The following CWF19L2 variants were observed in gnomAD, a reference collection of about 807,000 sequenced individuals.
CWF19L2 encodes the protein CWF19 like cell cycle control factor 2, also known as CWF19-like protein 2.
CWF19L2 carries 98 observed loss-of-function variants against 111.7 expected under a neutral mutation model. The observed-to-expected ratio is 0.88, with a 90% confidence interval of 0.75 to 1.04. CWF19L2 has a LOEUF of 1.04. Ranked by LOEUF, CWF19L2 falls within the 50% of genes least tolerant of loss-of-function variation. The pLI is 0.00. For synonymous variants in CWF19L2, 351 were observed against 342.9 expected, an observed-to-expected ratio of 1.02 and a Z score of -0.26; for missense variants, 1,101 against 1,051.4, an observed-to-expected ratio of 1.05 and a Z score of -0.65.
intron 3 of CWF19L2, among the ~76,000 whole-genome samples, chr11:107,453,636 C>T (rs1053841080): frequency 2.6e-5 from 4 of 151,472 alleles, no homozygotes; most frequent in African/African-American, 9.7e-5. Flanking sequence ...GGGAGAGCCT[C>T]CTTCTGCTTG....
At chr11:107,424,362 T>C (rs1861345357) in intron 8 of CWF19L2, among the ~76,000 whole-genome samples, 2 of 151,626 alleles carry the variant, frequency 1.3e-5, no homozygotes, top group South Asian at 4.2e-4. Context: ...AATATAAACA[T>C]GTTCTAGTAT....
intron 3 of CWF19L2, among the ~76,000 whole-genome samples, chr11:107,444,714 C>G (rs1213271545): frequency 6.6e-6 from 1 of 152,202 alleles, no homozygotes; most frequent in Non-Finnish European, 1.5e-5. Flanking sequence ...CTATCCTCTT[C>G]TTCTACAAAA....
intron 12 of CWF19L2, among the ~76,000 whole-genome samples, chr11:107,388,923 T>C (rs1860809685): frequency 6.6e-6 from 1 of 152,188 alleles, no homozygotes; most frequent in African/African-American, 2.4e-5. Context: ...ATGGGCTAAA[T>C]ATAAGATCTC....
intron 13 of CWF19L2, among the ~76,000 whole-genome samples, chr11:107,350,061 T>C (rs1259758014): frequency 1.3e-5 from 2 of 152,254 alleles, no homozygotes; most frequent in Admixed American, 6.5e-5. Flanking sequence ...TCCCCTAAAA[T>C]TGGTATCAAA....
chr11:107,402,873 GTATA>G lies in CWF19L2; in HGVS notation c.1618-9982_1618-9979del, dbSNP rs145828149. On this transcript the variant is annotated intron_variant, in intron 10 of 17. Transcript: ENST00000282251. The stretch of plus-strand genomic sequence containing the variant: ...CGAGTGGATAAACAAACTGTGGTGT[GTATA>G]TATATATATATATATATATATATAT... Among the ~76,000 whole-genome samples, 63 of 94,466 alleles carry G rather than the reference GTATA, an allele frequency of 6.7e-4. 2 individuals are homozygous for G. The highest frequency in any genetic ancestry group is 1.4e-3 in the African/African-American group (28 of 20,728). The allele number at this position is 94,466 out of a possible 152,430, so 62.0% of individuals were successfully genotyped here. A position where few individuals can be genotyped will look rare whatever the true frequency, so the allele number is the denominator to read the frequency against.
At chr11:107,340,177 T>C (rs1011149086) in intron 14 of CWF19L2, among the ~76,000 whole-genome samples, 6 of 152,208 alleles carry the variant, frequency 3.9e-5, no homozygotes, top group African/African-American at 1.2e-4. Context: ...TTTGTTTCCA[T>C]GGATTATACT....
At position 107,429,008 on chromosome 11, in the gene CWF19L2, G is replaced by C; in HGVS notation, c.1224C>G (p.Pro408=). Residue 408 remains proline (P), a synonymous_variant, in exon 8 of 18, where the codon CCC becomes CCG. Coordinates refer to ENST00000282251, the MANE Select transcript of CWF19L2 (RefSeq NM_152434.3). ...QGSLCSGFRK[P]TKNSEERLTS... ...TTAATCTTTCTTCACTGTTCTTGGT[G>C]GGTTTTCTAAAACCACTACACAAAG... 1 of 1,613,582 alleles carries C rather than the reference G, an allele frequency of 6.2e-7. No individual in the cohort carries two copies. Among genetic ancestry groups the C allele is most frequent in the East Asian group, 2.2e-5 (1 of 44,836 alleles).
chr11:107,435,171 T>C (rs1441589464), intron 6 of CWF19L2, among the ~76,000 whole-genome samples: 1 of 152,204 alleles, frequency 6.6e-6, no homozygotes, highest in African/African-American at 2.4e-5. Context: ...ACGACTTTTC[T>C]TTATAGGCCT....
At chr11:107,363,322 A>G (rs1317361415) in intron 12 of CWF19L2, among the ~76,000 whole-genome samples, 1 of 152,156 alleles carries the variant, frequency 6.6e-6, no homozygotes, top group Non-Finnish European at 1.5e-5. Flanking sequence ...AGTACAGAGA[A>G]TGCCACAAAG....
chr11:107,403,515 C>T (rs1050783221), intron 10 of CWF19L2: 5 of 823,690 alleles, frequency 6.1e-6, no homozygotes, highest in African/African-American at 5.0e-5. Flanking sequence ...ATACTGTCAA[C>T]CCCCTCCTGC....
At position 107,446,598 on chromosome 11, in the gene CWF19L2, AT is replaced by A. The variant is rs368975280; in HGVS notation, c.340-3550del. Reference sequence around the variant, plus strand: ...TCTACTACAAAATCATATTATTAATATTATGTATCTATTTATCCAATTAGGA... The same window carrying A: ...TCTACTACAAAATCATATTATTAATATATGTATCTATTTATCCAATTAGGA... On this transcript the variant is annotated intron_variant, in intron 3 of 17. Transcript: ENST00000282251. Among the ~76,000 whole-genome samples the A allele has an allele frequency of 4.1e-4, 63 of 152,296 alleles. No individual in the cohort carries two copies. The East Asian group carries it at 7.7e-3, about 19-fold the overall frequency.
At chr11:107,360,644 T>A (rs1478568082) in intron 12 of CWF19L2, among the ~76,000 whole-genome samples, 1 of 152,202 alleles carries the variant, frequency 6.6e-6, no homozygotes, top group Non-Finnish European at 1.5e-5. Flanking sequence ...CTCACAAGCA[T>A]CTGTTAGTTT....
chr11:107,411,089 G>GCACACACA lies in CWF19L2; in HGVS notation c.1617+5112_1617+5119dup, dbSNP rs146846176. 5.4e-3 allele frequency among the ~76,000 whole-genome samples: 801 copies of GCACACACA among 148,788 alleles called. 8 individuals are homozygous for GCACACACA. Among genetic ancestry groups the GCACACACA allele is most frequent in the African/African-American group, 0.018 (733 of 40,264 alleles). On this transcript the variant is annotated intron_variant, in intron 10 of 17. Transcript: ENST00000282251. ...GTGGTGTGTGTGTGCGCGCGTGCGT[G>GCACACACA]CACACACACACACACACACACACAC...
intron 13 of CWF19L2, among the ~76,000 whole-genome samples, chr11:107,352,165 C>T (rs1370851910): frequency 1.3e-5 from 2 of 152,088 alleles, no homozygotes; most frequent in East Asian, 3.9e-4. Flanking sequence ...CCTGTATTTC[C>T]TAAATACTGA....
chr11:107,454,265 T>C (rs627440), intron 3 of CWF19L2, among the ~76,000 whole-genome samples, 185 bp downstream of exon 3: 27,118 of 152,258 alleles, frequency 0.18, 2,598 homozygotes, highest in Middle Eastern at 0.27. Flanking sequence ...AGCCTTTCTC[T>C]GAAATTCAAG....
chr11:107,327,101 AAAACAGAAATG>A, intron 17 of CWF19L2, 48 bp from the exon 18 acceptor site: 6 of 1,473,832 alleles, frequency 4.1e-6, no homozygotes, highest in Non-Finnish European at 5.4e-6. Context: ...ATAAATAATG[AAAACAGAAATG>A]AAACTATTTC....
intron 17 of CWF19L2, among the ~76,000 whole-genome samples, chr11:107,328,468 C>T (rs953564937): frequency 2.6e-5 from 4 of 152,166 alleles, no homozygotes; most frequent in African/African-American, 4.8e-5. Flanking sequence ...TCTCTTCTTG[C>T]TCTCTGAACA....
chr11:107,356,982 G>A (rs1440410854), intron 12 of CWF19L2, among the ~76,000 whole-genome samples: 1 of 152,116 alleles, frequency 6.6e-6, no homozygotes, highest in African/African-American at 2.4e-5. Context: ...AGGTTGCTGT[G>A]GGCCGAAATC....
Position 107,368,461 on chromosome 11 carries a change from A to G in CWF19L2, c.1873-14725T>C, listed in dbSNP as rs1227370772. 2.2e-5 allele frequency among the ~76,000 whole-genome samples: 3 copies of G among 138,252 alleles called. 1 individual carries two copies. Among genetic ancestry groups the G allele is most frequent in the Admixed American group, 2.1e-4 (3 of 14,128 alleles). The allele number at this position is 138,252 out of a possible 152,430, so 90.7% of individuals were successfully genotyped here. On this transcript the variant is annotated intron_variant, in intron 12 of 17. Coordinates refer to ENST00000282251, the MANE Select transcript of CWF19L2 (RefSeq NM_152434.3). ...ATTTAAGCATGCTAAAGATTCTTCT[A>G]TTTTGAAAATTTGTCTGGCATACAC...
Sources: gnomAD v4.1 joint callset for allele counts (sites outside exome capture counted in the v4.1 genomes callset) on GRCh38, gnomAD v4.1.1 for gene constraint, MANE v1.5 for transcripts, NCBI Gene and HGNC (gene_info 2026-07-23, HGNC 2026-07-21) for gene names.